AHI1: variants seen among roughly 807,000 people sequenced by gnomAD.
AHI1 encodes the protein jouberin.
A neutral mutation model predicts 149.3 loss-of-function variants in AHI1; 123 were observed. The observed-to-expected ratio is 0.82, with a 90% CI of 0.71 to 0.96. The LOEUF is 0.96. Ranked by LOEUF, AHI1 falls within the 40% of genes least tolerant of loss-of-function variation. AHI1 has a pLI of 0.00. For missense variants in AHI1, 1,439 were observed against 1,422.7 expected (o/e 1.01, Z -0.18); for synonymous variants, 475 against 459.8 (o/e 1.03, Z -0.42).
chr6:135,317,742 T>C (rs1156236424), intron 26 of AHI1, among the ~76,000 whole-genome samples: 2 of 152,156 alleles, frequency 1.3e-5, no homozygotes, highest in Non-Finnish European at 2.9e-5. Context: ...GCTGACTGAC[T>C]GAATGATATA....
chr6:135,428,947 G>A (rs1045265511), intron 18 of AHI1, among the ~76,000 whole-genome samples, 188 bp from the exon 19 acceptor site: 6 of 151,648 alleles, frequency 4.0e-5, no homozygotes, highest in African/African-American at 1.4e-4. Context: ...AGCCCAGGGA[G>A]TTTATAATTT....
chr6:135,307,543 G>A (rs530887555), intron 26 of AHI1, among the ~76,000 whole-genome samples: 178 of 151,884 alleles, frequency 1.2e-3, no homozygotes, highest in South Asian at 3.1e-3. Context: ...TTTTTAAGTA[G>A]GGTAGTCTAC....
At chr6:135,291,717 G>A (rs1782374802) in intron 27 of AHI1, among the ~76,000 whole-genome samples, 1 of 152,154 alleles carries the variant, frequency 6.6e-6, no homozygotes, top group Non-Finnish European at 1.5e-5. Context: ...GAATGAAAAG[G>A]TCAGAAATTA....
intron 24 of AHI1, among the ~76,000 whole-genome samples, chr6:135,344,970 AT>A (rs1790975278): frequency 6.7e-6 from 1 of 150,208 alleles, no homozygotes; most frequent in African/African-American, 2.5e-5. Flanking sequence ...TATTAAAAAA[AT>A]CTAGTATACA....
At chr6:135,338,862 G>T (rs1362160458) in intron 24 of AHI1, among the ~76,000 whole-genome samples, 5 of 151,848 alleles carry the variant, frequency 3.3e-5, no homozygotes, top group Non-Finnish European at 7.4e-5. Context: ...CAATCGCAAA[G>T]AAATGTCACT....
intron 23 of AHI1, among the ~76,000 whole-genome samples, chr6:135,382,780 T>TA (rs551051429): frequency 8.7e-5 from 13 of 148,710 alleles, no homozygotes; most frequent in East Asian, 6.0e-4. Flanking sequence ...ACAAAGGAAA[T>TA]AAAAAAAACT....
chr6:135,480,468 A>G (rs1398146932), intron 5 of AHI1, among the ~76,000 whole-genome samples: 1 of 152,006 alleles, frequency 6.6e-6, no homozygotes, highest in Non-Finnish European at 1.5e-5. Flanking sequence ...AAAAAAAAAA[A>G]AGAAGAAAGA....
At chr6:135,396,341 A>G (rs1195859336) in intron 22 of AHI1, among the ~76,000 whole-genome samples, 1 of 151,792 alleles carries the variant, frequency 6.6e-6, no homozygotes, top group African/African-American at 2.4e-5. Context: ...TTCACTTTCC[A>G]TCTTTAAATG....
At chr6:135,426,676 T>G (rs990940117) in intron 20 of AHI1, among the ~76,000 whole-genome samples, 14 of 151,740 alleles carry the variant, frequency 9.2e-5, no homozygotes, top group African/African-American at 3.4e-4. Context: ...AATACCATAC[T>G]GTCCCTGAAA....
intron 24 of AHI1, among the ~76,000 whole-genome samples, chr6:135,333,930 G>T (rs547935675): frequency 6.6e-6 from 1 of 152,114 alleles, no homozygotes; most frequent in Non-Finnish European, 1.5e-5. Context: ...TAATTTATTG[G>T]ATAACATCAT....
intron 3 of AHI1, among the ~76,000 whole-genome samples, chr6:135,494,624 T>C (rs1177414644): frequency 6.6e-6 from 1 of 152,208 alleles, no homozygotes; most frequent in Non-Finnish European, 1.5e-5. Context: ...ACAACTGTTA[T>C]TACTGTCACG....
intron 23 of AHI1, among the ~76,000 whole-genome samples, chr6:135,380,988 CTTA>C (rs1776684779): frequency 6.6e-6 from 1 of 151,908 alleles, no homozygotes; most frequent in African/African-American, 2.4e-5. Context: ...TAAAAATATG[CTTA>C]TTATGTTATT....
At chr6:135,386,363 T>C (rs1171238279) in intron 23 of AHI1, among the ~76,000 whole-genome samples, 5 of 151,782 alleles carry the variant, frequency 3.3e-5, no homozygotes, top group Non-Finnish European at 7.4e-5. Flanking sequence ...CAGGCTGGAG[T>C]GCAGTGGCAT....
chr6:135,309,758 A>G (rs1398336819), intron 26 of AHI1, among the ~76,000 whole-genome samples: 2 of 152,174 alleles, frequency 1.3e-5, no homozygotes, highest in Non-Finnish European at 2.9e-5. Flanking sequence ...CTGGGATTAC[A>G]GACGTGAGCC....
intron 24 of AHI1, among the ~76,000 whole-genome samples, chr6:135,332,485 A>C (rs1788746674): frequency 6.6e-6 from 1 of 152,248 alleles, no homozygotes. Flanking sequence ...TATATTGAAT[A>C]TTGAATAAAA....
At chr6:135,483,148 T>A (rs142164809) in intron 5 of AHI1, among the ~76,000 whole-genome samples, 2,069 of 151,884 alleles carry the variant, frequency 0.014, 14 homozygotes, top group Non-Finnish European at 0.023. Flanking sequence ...TCAGCCCACC[T>A]TGGCCTCCCA....
intron 23 of AHI1, among the ~76,000 whole-genome samples, chr6:135,361,741 C>T (rs1454483153): frequency 2.0e-5 from 3 of 150,522 alleles, no homozygotes; most frequent in Non-Finnish European, 4.4e-5. Flanking sequence ...TCATTTTCTT[C>T]AGTTTAATTA....
At chr6:135,464,542 A>G (rs1338558787) in intron 7 of AHI1, among the ~76,000 whole-genome samples, 4 of 152,206 alleles carry the variant, frequency 2.6e-5, no homozygotes, top group Non-Finnish European at 5.9e-5. Context: ...GACAGACAGA[A>G]TATGATAAAA....
chr6:135,434,032 T>C (rs2128025541), intron 15 of AHI1, among the ~76,000 whole-genome samples: 1 of 152,146 alleles, frequency 6.6e-6, no homozygotes, highest in East Asian at 1.9e-4. Context: ...TCTACCAATA[T>C]ACAGGTGCTA....
Sources: gnomAD v4.1 joint callset for allele counts (sites outside exome capture counted in the v4.1 genomes callset) on GRCh38, gnomAD v4.1.1 for gene constraint, MANE v1.5 for transcripts, NCBI Gene and HGNC (gene_info 2026-07-23, HGNC 2026-07-21) for gene names.